Variants in PIKFYVE observed in about 807,000 individuals in gnomAD.
PIKFYVE encodes 1-phosphatidylinositol 3-phosphate 5-kinase.
A neutral mutation model predicts 257.9 loss-of-function variants in PIKFYVE; 122 were observed. That is an observed-to-expected ratio of 0.47 (90% confidence interval 0.41 to 0.55). The LOEUF is 0.55. Among genes scored for constraint, PIKFYVE ranks in the 20% least tolerant of loss-of-function variants. The probability of loss-of-function intolerance (pLI) is 0.00; values close to 1 mark genes in which losing one functional copy is unlikely to be tolerated. For synonymous variants in PIKFYVE, 892 were observed against 868.9 expected, an observed-to-expected ratio of 1.03 and a Z score of -0.47; for missense variants, 2,160 against 2,536.6, an observed-to-expected ratio of 0.85 and a Z score of 3.19.
At position 208,331,879 on chromosome 2, in the gene PIKFYVE, A is replaced by T. The variant is rs141287818; in HGVS notation, c.3963+1185A>T. On this transcript the variant is annotated intron_variant, in intron 23 of 41. Coordinates refer to ENST00000264380, the MANE Select transcript of PIKFYVE (RefSeq NM_015040.4). ...GTTCTTACCGACTTTAGTTCCTATT[A>T]GTTAGCTGGTAATAGTTTGTTGTAG... 3.3e-4 allele frequency among the ~76,000 whole-genome samples: 51 copies of T among 152,334 alleles called. No homozygotes were observed. The East Asian group carries it at 8.9e-3, about 26-fold the overall frequency.
intron 2 of PIKFYVE, among the ~76,000 whole-genome samples, chr2:208,272,300 C>T (rs780547469): frequency 5.9e-5 from 9 of 151,576 alleles, no homozygotes; most frequent in Admixed American, 2.6e-4. Context: ...AGAAAGTAGT[C>T]GTCTTTTTTT....
intron 35 of PIKFYVE, among the ~76,000 whole-genome samples, chr2:208,349,240 G>A (rs1236490352): frequency 2.6e-5 from 4 of 152,092 alleles, no homozygotes; most frequent in Non-Finnish European, 4.4e-5. Context: ...TAGGCTGCTT[G>A]CTATTGGGCT....
chr2:208,284,539 G>A (rs1030489051), intron 5 of PIKFYVE, among the ~76,000 whole-genome samples: 1 of 152,052 alleles, frequency 6.6e-6, no homozygotes, highest in African/African-American at 2.4e-5. Flanking sequence ...GGGATTACAG[G>A]CGTGAGCCAC....
Position 208,277,581 on chromosome 2 carries a change from A to G in PIKFYVE, c.486A>G (p.Lys162=), listed in dbSNP as rs1690272138. Residue 162 remains lysine (K), a synonymous_variant, in exon 5 of 42, where the codon AAA becomes AAG. Transcript: ENST00000264380. The stretch of plus-strand genomic sequence containing the variant: ...ACTGGATGCCAGATAGCCAATGTAA[A>G]GAGTGCTATGACTGTAGTGAGAAAT... ...KQYWMPDSQC[K]ECYDCSEKFT... 1 of 1,613,944 alleles carries G rather than the reference A, an allele frequency of 6.2e-7. No homozygotes were observed.
At chr2:208,268,595 A>T (rs1479742685) in intron 1 of PIKFYVE, among the ~76,000 whole-genome samples, 10 of 148,000 alleles carry the variant, frequency 6.8e-5, no homozygotes, top group Admixed American at 2.0e-4. Flanking sequence ...TTTTTAATAT[A>T]AAAAAAACAC....
At chr2:208,317,464 G>C (rs1005632435) in intron 15 of PIKFYVE, among the ~76,000 whole-genome samples, 1 of 152,062 alleles carries the variant, frequency 6.6e-6, no homozygotes, top group Non-Finnish European at 1.5e-5. Context: ...GTTATTAGTG[G>C]ATTTTATGTG....
intron 23 of PIKFYVE, among the ~76,000 whole-genome samples, chr2:208,332,533 C>G (rs1198123482): frequency 1.3e-5 from 2 of 152,032 alleles, no homozygotes; most frequent in Non-Finnish European, 2.9e-5. Context: ...ATCAGAACAT[C>G]ATCTCAGTGT....
At chr2:208,318,776 A>G (rs559278891) in intron 16 of PIKFYVE, among the ~76,000 whole-genome samples, 9 of 152,044 alleles carry the variant, frequency 5.9e-5, no homozygotes, top group African/African-American at 2.2e-4. Flanking sequence ...ATATGGTGAA[A>G]CCACATCTGT....
intron 5 of PIKFYVE, among the ~76,000 whole-genome samples, chr2:208,284,725 A>G (rs561943145): frequency 3.3e-5 from 5 of 152,178 alleles, no homozygotes; most frequent in Non-Finnish European, 7.3e-5. Context: ...TAATTTGCCT[A>G]TGGAAAATAT....
At chr2:208,272,448 A>G (rs1235508053) in intron 2 of PIKFYVE, among the ~76,000 whole-genome samples, 1 of 152,142 alleles carries the variant, frequency 6.6e-6, no homozygotes, top group Non-Finnish European at 1.5e-5. Context: ...TATTTTTCAA[A>G]AATTGGAAGC....
chr2:208,269,692 A>G (rs181014209), intron 1 of PIKFYVE: 2 of 248,122 alleles, frequency 8.1e-6, no homozygotes, highest in Non-Finnish European at 1.7e-5. Context: ...CATGTCCCCA[A>G]ACTGGCTGTA....
chr2:208,306,535 T>TCAA (rs1694332669), intron 12 of PIKFYVE, among the ~76,000 whole-genome samples: 1 of 152,186 alleles, frequency 6.6e-6, no homozygotes, highest in Non-Finnish European at 1.5e-5. Context: ...GTTTTGAAAA[T>TCAA]CTTGAAGAAA....
chr2:208,285,334 G>A (rs1207720838), intron 5 of PIKFYVE, among the ~76,000 whole-genome samples: 2 of 152,188 alleles, frequency 1.3e-5, no homozygotes, highest in African/African-American at 4.8e-5. Context: ...GACCTCAGGT[G>A]ATCTGCCGCC....
chr2:208,278,217 G>A (rs1311749478), intron 5 of PIKFYVE, among the ~76,000 whole-genome samples: 1 of 152,072 alleles, frequency 6.6e-6, no homozygotes, highest in Non-Finnish European at 1.5e-5. Context: ...AAGATAGTCA[G>A]AAATTACCTG....
Position 208,347,982 on chromosome 2 carries a change from C to T in PIKFYVE, c.5333C>T (p.Thr1778Met), listed in dbSNP as rs376065227. The T allele has an allele frequency of 7.4e-6, 12 of 1,613,990 alleles. No homozygotes were observed. The South Asian group carries it at 7.7e-5, about 10-fold the overall frequency. ...ADSAYYQVGQ[T>M]GKEGTENQGV... Reference sequence around the variant, plus strand: ...AGTGCTTACTACCAGGTTGGGCAGACGGGCAAGGAGGGGACCGAGAATCAA... The same window carrying T: ...AGTGCTTACTACCAGGTTGGGCAGATGGGCAAGGAGGGGACCGAGAATCAA... The change falls in exon 35 of 42, where the codon ACG becomes ATG. Residue 1778 changes from threonine to methionine, a missense_variant. Thr to Met is a moderately conservative substitution (Grantham distance 81). This residue lies in a region of PIKFYVE where 699 missense variants were observed against 855.8 expected (regional missense o/e 0.82). Transcript: ENST00000264380.
At chr2:208,272,444 T>G (rs1689552246) in intron 2 of PIKFYVE, among the ~76,000 whole-genome samples, 1 of 152,138 alleles carries the variant, frequency 6.6e-6, no homozygotes, top group Non-Finnish European at 1.5e-5. Context: ...TTTATATTTT[T>G]CAAAAATTGG....
intron 1 of PIKFYVE, chr2:208,269,540 G>T: frequency 3.5e-6 from 1 of 282,076 alleles, no homozygotes. Context: ...TATGTGCCTT[G>T]GTTCTGCTTC....
At chr2:208,336,333 C>A in intron 27 of PIKFYVE, 133 bp downstream of exon 27, 1 of 979,624 alleles carries the variant, frequency 1.0e-6, no homozygotes, top group Non-Finnish European at 1.6e-6. Context: ...TGTTTCCTGT[C>A]ACTCTCCTTT....
At chr2:208,273,770 C>T (rs769013490) in intron 3 of PIKFYVE, 37 bp downstream of exon 3, 8 of 1,610,504 alleles carry the variant, frequency 5.0e-6, no homozygotes, top group East Asian at 2.2e-5. Flanking sequence ...CTTCTATATG[C>T]TAGATTTTTC....
Sources: allele counts gnomAD v4.1 joint callset (sites outside exome capture counted in the v4.1 genomes callset), GRCh38; gene constraint gnomAD v4.1.1; regional missense constraint gnomAD v4.1.1; transcripts MANE v1.5; gene names NCBI Gene and HGNC (gene_info 2026-07-23, HGNC 2026-07-21).